NT5C2: variants seen among roughly 807,000 people sequenced by gnomAD.
NT5C2 encodes cytosolic purine 5'-nucleotidase.
A neutral mutation model predicts 76.1 loss-of-function variants in NT5C2; 58 were observed. That is an observed-to-expected ratio of 0.76 (90% confidence interval 0.62 to 0.95). NT5C2 has a LOEUF of 0.95. Among genes scored for constraint, NT5C2 ranks in the 40% least tolerant of loss-of-function variants. NT5C2 has a pLI of 0.00. For synonymous variants in NT5C2, 229 were observed against 237.4 expected, an observed-to-expected ratio of 0.96 and a Z score of 0.32; for missense variants, 478 against 690.3, an observed-to-expected ratio of 0.69 and a Z score of 3.45.
At chr10:103,105,961 T>C (rs1204818949) in intron 5 of NT5C2, among the ~76,000 whole-genome samples, 160 bp from the exon 6 acceptor site, 2 of 152,184 alleles carry the variant, frequency 1.3e-5, no homozygotes, top group Non-Finnish European at 2.9e-5. Context: ...TCTTAAAAAC[T>C]AATTCTAAAG....
At chr10:103,109,205 A>G (rs775796056) in intron 4 of NT5C2, among the ~76,000 whole-genome samples, 3 of 152,012 alleles carry the variant, frequency 2.0e-5, no homozygotes, top group Non-Finnish European at 4.4e-5. Flanking sequence ...ATCCTGCCTC[A>G]TCCTCTCCCA....
chr10:103,140,936 T>C (rs576916471), intron 3 of NT5C2, among the ~76,000 whole-genome samples: 3 of 152,320 alleles, frequency 2.0e-5, no homozygotes, highest in East Asian at 1.9e-4. Flanking sequence ...CCTTAACAGA[T>C]ACATGGTTCG....
chr10:103,126,550 A>T (rs2076693726), intron 4 of NT5C2, among the ~76,000 whole-genome samples: 1 of 152,202 alleles, frequency 6.6e-6, no homozygotes, highest in Admixed American at 6.5e-5. Flanking sequence ...TGAACCTGGA[A>T]GGCGGAGGTT....
chr10:103,111,747 G>A (rs2073089643), intron 4 of NT5C2: 6 of 1,231,812 alleles, frequency 4.9e-6, no homozygotes, highest in Admixed American at 4.2e-5. Context: ...GAACTCACAT[G>A]AGGCAGATGC....
chr10:103,177,407 G>A (rs2090194281), intron 2 of NT5C2, among the ~76,000 whole-genome samples: 1 of 152,172 alleles, frequency 6.6e-6, no homozygotes, highest in South Asian at 2.1e-4. Context: ...TTAGAGTTAA[G>A]TAGTAGATTA....
chr10:103,169,458 A>T (rs1365435718), intron 3 of NT5C2: 2 of 152,138 alleles, frequency 1.3e-5, no homozygotes, highest in African/African-American at 4.8e-5. Flanking sequence ...CTCTACAAAA[A>T]CAATACAAAG....
intron 10 of NT5C2, 52 bp from the exon 11 acceptor site, chr10:103,097,426 A>G: frequency 6.9e-7 from 1 of 1,452,546 alleles, no homozygotes; most frequent in East Asian, 2.3e-5. Context: ...TTATCTTTAC[A>G]CTTTGGAGTT....
At chr10:103,146,560 T>C in intron 3 of NT5C2, 1 of 431,888 alleles carries the variant, frequency 2.3e-6, no homozygotes, top group Non-Finnish European at 3.1e-6. Context: ...TGCATATTTT[T>C]ACTTAATAGA....
intron 3 of NT5C2, among the ~76,000 whole-genome samples, chr10:103,143,042 G>A (rs1189934054): frequency 2.6e-5 from 4 of 151,184 alleles, no homozygotes; most frequent in African/African-American, 7.3e-5. Context: ...GAAAGGGAAC[G>A]GAAAGGGAAA....
intron 2 of NT5C2, chr10:103,176,112 C>G (rs956946325): frequency 1.2e-5 from 2 of 162,802 alleles, no homozygotes; most frequent in African/African-American, 4.8e-5. Context: ...GTGGGGGCAG[C>G]AAAAACCGTG....
intron 4 of NT5C2, among the ~76,000 whole-genome samples, chr10:103,124,458 G>A (rs760180365): frequency 3.8e-4 from 58 of 152,210 alleles, no homozygotes; most frequent in Non-Finnish European, 5.0e-4. Flanking sequence ...ATATAGAAGT[G>A]TAAATAAGGT....
chr10:103,175,201 G>A (rs1286113199), intron 2 of NT5C2, among the ~76,000 whole-genome samples: 1 of 152,116 alleles, frequency 6.6e-6, no homozygotes, highest in Admixed American at 6.5e-5. Context: ...AATCCGGAAA[G>A]ATAACATATA....
intron 16 of NT5C2, among the ~76,000 whole-genome samples, chr10:103,091,362 T>C (rs2066826064): frequency 2.0e-5 from 3 of 151,502 alleles, no homozygotes; most frequent in Admixed American, 2.0e-4. Context: ...TTTTTTTTTT[T>C]GAGACGGAGT....
chr10:103,133,745 GAA>G (rs1463918257), intron 4 of NT5C2, among the ~76,000 whole-genome samples: 2 of 152,224 alleles, frequency 1.3e-5, no homozygotes, highest in Non-Finnish European at 2.9e-5. Context: ...GGGCTCAGAA[GAA>G]GAGAGAAAAA....
At chr10:103,110,327 G>A (rs1183243351) in intron 4 of NT5C2, among the ~76,000 whole-genome samples, 5 of 152,066 alleles carry the variant, frequency 3.3e-5, no homozygotes, top group East Asian at 3.9e-4. Context: ...GTGGTGGCTC[G>A]CACCTGCAGT....
At chr10:103,170,491 T>A (rs1418038216) in intron 3 of NT5C2, among the ~76,000 whole-genome samples, 4 of 151,232 alleles carry the variant, frequency 2.6e-5, no homozygotes, top group Non-Finnish European at 5.9e-5. Context: ...TCATTCAGGC[T>A]ATGATACACA....
chr10:103,113,118 A>G (rs1480893778), intron 4 of NT5C2, among the ~76,000 whole-genome samples: 1 of 152,214 alleles, frequency 6.6e-6, no homozygotes, highest in Non-Finnish European at 1.5e-5. Flanking sequence ...ATTTACTTAA[A>G]ACAGCTAGAT....
At chr10:103,170,556 C>G (rs2087691525) in intron 3 of NT5C2, among the ~76,000 whole-genome samples, 1 of 138,810 alleles carries the variant, frequency 7.2e-6, no homozygotes, top group African/African-American at 2.7e-5. Flanking sequence ...TTGAGACATG[C>G]TCTCATTCTG....
At chr10:103,168,291 G>A (rs2086911315) in intron 3 of NT5C2, among the ~76,000 whole-genome samples, 1 of 152,134 alleles carries the variant, frequency 6.6e-6, no homozygotes, top group Non-Finnish European at 1.5e-5. Flanking sequence ...AAATTAATAA[G>A]CTGTGTTCAC....
Sources: gnomAD v4.1 joint callset for allele counts (sites outside exome capture counted in the v4.1 genomes callset) on GRCh38, gnomAD v4.1.1 for gene constraint, MANE v1.5 for transcripts, NCBI Gene and HGNC (gene_info 2026-07-23, HGNC 2026-07-21) for gene names.